The following CACNG6 variants were observed in gnomAD, a reference collection of about 807,000 sequenced individuals.
The protein encoded by CACNG6 is voltage-dependent calcium channel gamma-6 subunit.
A neutral mutation model predicts 23.9 loss-of-function variants in CACNG6; 21 were observed. The ratio of observed to expected loss-of-function variants is 0.88; its 90% CI spans 0.62 to 1.26. The LOEUF is 1.26. Ranked by LOEUF, CACNG6 falls within the 50% of genes most tolerant of loss-of-function variation. The pLI is 0.00. For missense variants in CACNG6, 340 were observed against 352.9 expected, an observed-to-expected ratio of 0.96 and a Z score of 0.29; for synonymous variants, 182 against 168.9, an observed-to-expected ratio of 1.08 and a Z score of -0.60.
chr19:54,011,223 T>TACACACAC (rs1156440499), intron 3 of CACNG6, among the ~76,000 whole-genome samples: 4,105 of 108,370 alleles, frequency 0.038, 138 homozygotes, highest in East Asian at 0.055. Context: ...TATATATATA[T>TACACACAC]ATATACACAC....
intron 1 of CACNG6, among the ~76,000 whole-genome samples, chr19:53,995,415 G>A (rs1368996142): frequency 6.6e-6 from 1 of 152,120 alleles, no homozygotes; most frequent in South Asian, 2.1e-4. Context: ...GGCATCCCTG[G>A]CTCCCTTGGC....
At chr19:53,994,682 C>T (rs987316803) in intron 1 of CACNG6, among the ~76,000 whole-genome samples, 11 of 152,132 alleles carry the variant, frequency 7.2e-5, no homozygotes, top group Admixed American at 2.6e-4. Context: ...TTCTGGGCTC[C>T]GTATGAGATT....
chr19:53,999,666 C>T lies in CACNG6; in HGVS notation c.439C>T (p.Leu147=). 6.2e-7 allele frequency: 1 copy of T among 1,614,016 alleles called. No individual in the cohort carries two copies. The highest frequency in any genetic ancestry group is 8.5e-7 in the Non-Finnish European group (1 of 1,180,030). ...TCTGGCAGCTGCGGTGATAGCAGTG[C>T]TGGGCCTGGCAGTCATGGCCTTGGG... The part of the protein sequence containing the change: ...VNLAAAVIAV[L]GLAVMALGCL... Residue 147 remains leucine, a synonymous_variant, in exon 3 of 4, where the codon CTG becomes TTG. Transcript: ENST00000252729.
chr19:53,993,826 A>T (rs993325275), intron 1 of CACNG6, among the ~76,000 whole-genome samples: 1 of 146,814 alleles, frequency 6.8e-6, no homozygotes, highest in Non-Finnish European at 1.5e-5. Flanking sequence ...TGATTCTATG[A>T]CCCCCAAAGT....
At chr19:54,009,602 C>A (rs933813476) in intron 3 of CACNG6, among the ~76,000 whole-genome samples, 28 of 152,052 alleles carry the variant, frequency 1.8e-4, no homozygotes, top group Non-Finnish European at 3.8e-4. Flanking sequence ...TGGCTTCTGC[C>A]ATCATTTCTA....
chr19:54,009,963 ACTTTAT>A (rs928587301), intron 3 of CACNG6, among the ~76,000 whole-genome samples: 1 of 151,228 alleles, frequency 6.6e-6, no homozygotes, highest in African/African-American at 2.4e-5. Flanking sequence ...TTGCAATATG[ACTTTAT>A]CTTTATTTTG....
In CACNG6 at chr19:53,999,700, G is replaced by A. The variant is rs202066966; in HGVS notation, c.473G>A (p.Cys158Tyr). 393 of 1,614,014 alleles carry A rather than the reference G, an allele frequency of 2.4e-4. 2 individuals are homozygous for A. The highest frequency in any genetic ancestry group is 8.8e-4 in the South Asian group (80 of 91,086). ...GCAGTCATGGCCTTGGGGTGCCTCT[G>A]TATCATCATGGTGCTCAGTAAAGGT... ...GLAVMALGCLCIIMVLSKGAE... is the reference protein window; with the variant it reads ...GLAVMALGCLYIIMVLSKGAE... The change falls in exon 3 of 4, where the codon TGT becomes TAT. Residue 158 changes from cysteine to tyrosine, a missense_variant. Cys to Tyr is a radical substitution (Grantham distance 194). Transcript: ENST00000252729.
chr19:54,010,145 C>T (rs923900788), intron 3 of CACNG6, among the ~76,000 whole-genome samples: 23 of 150,412 alleles, frequency 1.5e-4, no homozygotes, highest in African/African-American at 5.1e-4. Context: ...CTCAGCCTCC[C>T]GAGTAGCTGG....
intron 3 of CACNG6, among the ~76,000 whole-genome samples, chr19:54,002,081 A>C (rs1600058419): frequency 4.8e-5 from 7 of 145,208 alleles, no homozygotes; most frequent in Admixed American, 6.9e-5. Context: ...GTCTCTTTCT[A>C]TCTCTCTCTT....
rs1036759489 is a variant in CACNG6 at position 53,992,985 on chromosome 19, G to C, written c.108G>C (p.Glu36Asp). Residue 36 changes from glutamate (E) to aspartate (D), a missense_variant, in exon 1 of 4, where the codon GAG (glutamate) becomes GAC (aspartate). Physicochemically the swap from Glu to Asp is conservative, Grantham distance 45 (BLOSUM62 2). Coordinates refer to ENST00000252729, the MANE Select transcript of CACNG6 (RefSeq NM_145814.2). This position sits in a 1 kb window ranked among gnomAD's most constrained non-coding sequence, Gnocchi z 4.1. ...GGTCGGGGCTGACGCCCGAGCGCGA[G>C]GGGAAGGTGAAGCTGGCGCTGCTGC... is the stretch of plus-strand genomic sequence containing the variant. ...QGRSGLTPER[E>D]GKVKLALLLA... The C allele has an allele frequency of 1.4e-6, 2 of 1,439,730 alleles. No homozygotes were observed. The highest frequency in any genetic ancestry group is 5.8e-5 in the Admixed American group (2 of 34,702). 89.2% of individuals were successfully genotyped at this position (1,439,730 alleles called of 1,614,324 possible).
At chr19:54,001,940 T>C (rs1568814801) in intron 3 of CACNG6, among the ~76,000 whole-genome samples, 1 of 152,194 alleles carries the variant, frequency 6.6e-6, no homozygotes, top group Non-Finnish European at 1.5e-5. Context: ...AATCTCCTTA[T>C]AGCCATGAAC....
intron 3 of CACNG6, among the ~76,000 whole-genome samples, chr19:54,000,265 T>C (rs2069562749): frequency 6.6e-6 from 1 of 152,186 alleles, no homozygotes; most frequent in South Asian, 2.1e-4. Context: ...CCCCAAACAC[T>C]GTTTCATGCT....
chr19:54,002,270 TTTTTGTTTTTTTTG>T (rs1428741306), intron 3 of CACNG6, among the ~76,000 whole-genome samples: 14 of 134,702 alleles, frequency 1.0e-4, no homozygotes, highest in African/African-American at 4.4e-4. Flanking sequence ...ATTTTCGGTT[TTTTTGTTTTTTTTG>T]TTTTTTTTTT....
chr19:53,994,134 G>A (rs1445979963), intron 1 of CACNG6, among the ~76,000 whole-genome samples: 1 of 152,078 alleles, frequency 6.6e-6, no homozygotes, highest in Non-Finnish European at 1.5e-5. Flanking sequence ...TTCCCAGCCT[G>A]GAGACAGCTT....
chr19:53,999,901 C>A, intron 3 of CACNG6, 130 bp downstream of exon 3: 1 of 1,168,640 alleles, frequency 8.6e-7, no homozygotes. Flanking sequence ...TGCACTGTTG[C>A]ATGCTGGGAG....
intron 3 of CACNG6, among the ~76,000 whole-genome samples, chr19:54,009,015 G>A (rs1422621322): frequency 1.3e-5 from 2 of 152,216 alleles, no homozygotes; most frequent in East Asian, 3.9e-4. Flanking sequence ...TAGGCCGGGT[G>A]CGGCAGTTCA....
At chr19:53,993,435 A>G (rs2069487404) in intron 1 of CACNG6, among the ~76,000 whole-genome samples, 1 of 152,054 alleles carries the variant, frequency 6.6e-6, no homozygotes, top group African/African-American at 2.4e-5. Context: ...GCCTACCGCC[A>G]GAGAACCTGT....
intron 1 of CACNG6, among the ~76,000 whole-genome samples, chr19:53,994,957 C>T (rs117326757): frequency 0.028 from 4,262 of 152,184 alleles, 95 homozygotes; most frequent in Non-Finnish European, 0.043. Context: ...TTATGTAATG[C>T]CTGGTTCTCA....
chr19:53,993,092 G>GCAGCGC lies in CACNG6; in HGVS notation c.217_222dup (p.Ser73_Ala74dup), dbSNP rs1379189415. ...GAGCTCAACACCTACAAGGCCAACGGCAGCGCCGTGTGCGAAGCGGCCCAC... is the reference window on the plus strand; with the variant it reads ...GAGCTCAACACCTACAAGGCCAACGGCAGCGCCAGCGCCGTGTGCGAAGCGGCCCAC... On this transcript the variant is annotated inframe_insertion, in exon 1 of 4. Transcript: ENST00000252729. The GCAGCGC allele has an allele frequency of 6.5e-7, 1 of 1,545,832 alleles. No individual in the cohort carries two copies. Among genetic ancestry groups the GCAGCGC allele is most frequent in the Admixed American group, 2.0e-5 (1 of 50,574 alleles).
Sources: allele counts gnomAD v4.1 joint callset (sites outside exome capture counted in the v4.1 genomes callset), GRCh38; gene constraint gnomAD v4.1.1; non-coding constraint Gnocchi (gnomAD v3.1); transcripts MANE v1.5; gene names NCBI Gene and HGNC (gene_info 2026-07-23, HGNC 2026-07-21).